The following ROR1 variants were observed in gnomAD, a reference collection of about 807,000 sequenced individuals.
ROR1 encodes inactive tyrosine-protein kinase transmembrane receptor ROR1.
A neutral mutation model predicts 78.8 loss-of-function variants in ROR1; 19 were observed. That is an observed-to-expected ratio of 0.24 (90% CI 0.17 to 0.35). The LOEUF is 0.35. Among genes scored for constraint, ROR1 ranks in the 10% least tolerant of loss-of-function variants. The pLI is 1.00. For synonymous variants in ROR1, 386 were observed against 433.6 expected (o/e 0.89, Z 1.36); for missense variants, 917 against 1,177.8 (o/e 0.78, Z 3.24).
chr1:64,015,037 A>G (rs1445864014), intron 2 of ROR1, among the ~76,000 whole-genome samples: 1 of 151,878 alleles, frequency 6.6e-6, no homozygotes, highest in Non-Finnish European at 1.5e-5. Context: ...AGGAGGCCTC[A>G]CAATCATAGG....
intron 1 of ROR1, among the ~76,000 whole-genome samples, chr1:63,969,712 C>G (rs907623423): frequency 3.9e-5 from 6 of 152,110 alleles, no homozygotes; most frequent in Non-Finnish European, 7.4e-5. Flanking sequence ...TGGATTCCCC[C>G]TCCCGTGTTG....
intron 1 of ROR1, among the ~76,000 whole-genome samples, chr1:63,945,071 G>A (rs1645873402): frequency 6.6e-6 from 1 of 152,088 alleles, no homozygotes; most frequent in Non-Finnish European, 1.5e-5. Context: ...AAGAAGGGTT[G>A]AAAATCATCG....
At chr1:63,864,480 A>C (rs529387832) in intron 1 of ROR1, among the ~76,000 whole-genome samples, 29 of 152,230 alleles carry the variant, frequency 1.9e-4, no homozygotes, top group Admixed American at 1.3e-3. Context: ...TTGTGTGCCA[A>C]ATGCATTTAT....
rs376511940 is a variant in ROR1, at chr1:63,951,562, C to T, written c.92-57743C>T. Among the ~76,000 whole-genome samples, 953 of 152,298 alleles carry T rather than the reference C, an allele frequency of 6.3e-3. 10 individuals are homozygous for T. Among genetic ancestry groups the T allele is most frequent in the African/African-American group, 0.021 (865 of 41,572 alleles). On this transcript the variant is annotated intron_variant, in intron 1 of 8. Coordinates refer to ENST00000371079, the MANE Select transcript of ROR1 (RefSeq NM_005012.4). ...GGAGACCTGAGAGAGAATGATCTCT[C>T]ACACAGAGGCAAAGGGAATAGGAAT...
At chr1:64,129,812 G>C (rs1389636045) in intron 4 of ROR1, among the ~76,000 whole-genome samples, 1 of 152,094 alleles carries the variant, frequency 6.6e-6, no homozygotes, top group Non-Finnish European at 1.5e-5. Flanking sequence ...CTCAAATTAC[G>C]TTTGTGAGAT....
At chr1:63,797,268 G>C (rs546330147) in intron 1 of ROR1, among the ~76,000 whole-genome samples, 71 of 152,338 alleles carry the variant, frequency 4.7e-4, no homozygotes, top group African/African-American at 1.4e-3. Flanking sequence ...GAGTGGTGAA[G>C]TGACTTGCTC....
chr1:64,009,545 A>T (rs1646459191), intron 2 of ROR1, among the ~76,000 whole-genome samples, 169 bp downstream of exon 2: 1 of 151,954 alleles, frequency 6.6e-6, no homozygotes, highest in Admixed American at 6.5e-5. Flanking sequence ...ATTACTTGGG[A>T]TTCTATTATT....
chr1:64,111,337 A>G (rs1035674832), intron 4 of ROR1: 2 of 152,208 alleles, frequency 1.3e-5, no homozygotes, highest in Non-Finnish European at 2.9e-5. Flanking sequence ...TCTGTGTCTC[A>G]GCCCCCTGCT....
chr1:63,903,608 C>T (rs1645503153), intron 1 of ROR1, among the ~76,000 whole-genome samples: 1 of 152,148 alleles, frequency 6.6e-6, no homozygotes, highest in East Asian at 1.9e-4. Flanking sequence ...CATTCCTGCT[C>T]ACCCCATGTC....
chr1:64,036,487 C>A (rs1646703534), intron 2 of ROR1, among the ~76,000 whole-genome samples: 1 of 152,208 alleles, frequency 6.6e-6, no homozygotes, highest in Non-Finnish European at 1.5e-5. Flanking sequence ...ATACTCCCAT[C>A]ATGTATTCTC....
Position 63,789,118 on chromosome 1 carries a change from A to G in ROR1, c.91+14610A>G. The G allele has an allele frequency of 6.5e-6, 4 of 611,706 alleles. 1 individual carries two copies. The highest frequency in any genetic ancestry group is 5.7e-5 in the South Asian group (4 of 69,626). 37.9% of individuals were successfully genotyped at this position (611,706 alleles called of 1,614,324 possible). On this transcript the variant is annotated intron_variant, in intron 1 of 8. Coordinates refer to ENST00000371079, the MANE Select transcript of ROR1 (RefSeq NM_005012.4). ...CGGTAGGCCAAGGTGTTTTCCTGGC[A>G]TCGAGCCTGGGAATGGACAGTCATT...
chr1:63,782,938 T>C (rs1241509800), intron 1 of ROR1, among the ~76,000 whole-genome samples: 1 of 152,028 alleles, frequency 6.6e-6, no homozygotes, highest in Non-Finnish European at 1.5e-5. Flanking sequence ...AAGTGTGATA[T>C]GATGTGAGCC....
At chr1:63,964,756 C>T (rs1319865182) in intron 1 of ROR1, among the ~76,000 whole-genome samples, 1 of 152,288 alleles carries the variant, frequency 6.6e-6, no homozygotes, top group East Asian at 1.9e-4. Flanking sequence ...GATATTAACA[C>T]GTGGTGGTCT....
At chr1:64,167,724 C>T (rs942429277) in intron 8 of ROR1, among the ~76,000 whole-genome samples, 2 of 152,192 alleles carry the variant, frequency 1.3e-5, no homozygotes, top group Non-Finnish European at 2.9e-5. Flanking sequence ...ATATACTCTC[C>T]AGGGCTCTCA....
At chr1:63,952,762 A>G (rs1321377009) in intron 1 of ROR1, among the ~76,000 whole-genome samples, 5 of 152,128 alleles carry the variant, frequency 3.3e-5, no homozygotes, top group Non-Finnish European at 5.9e-5. Flanking sequence ...TCTAGGAGCA[A>G]TTTAAGGATA....
intron 1 of ROR1, among the ~76,000 whole-genome samples, chr1:63,982,934 G>A (rs1344750120): frequency 3.3e-5 from 5 of 151,992 alleles, no homozygotes; most frequent in African/African-American, 1.2e-4. Flanking sequence ...TAATAGCACC[G>A]ACCTTGTAAA....
At chr1:64,098,950 G>A (rs765450422) in intron 4 of ROR1, among the ~76,000 whole-genome samples, 1 of 152,044 alleles carries the variant, frequency 6.6e-6, no homozygotes, top group African/African-American at 2.4e-5. Context: ...ATGGAATTTT[G>A]CCCTGTTTTA....
intron 1 of ROR1, among the ~76,000 whole-genome samples, chr1:63,840,670 G>A (rs547434153): frequency 1.3e-5 from 2 of 152,254 alleles, no homozygotes; most frequent in South Asian, 4.1e-4. Flanking sequence ...GTTTCAAAGA[G>A]TTCAGTTCTT....
chr1:63,903,727 A>C (rs1240864174), intron 1 of ROR1, among the ~76,000 whole-genome samples: 1 of 151,832 alleles, frequency 6.6e-6, no homozygotes, highest in African/African-American at 2.4e-5. Context: ...TATAAACATA[A>C]CTATATATAT....
Sources: allele counts gnomAD v4.1 joint callset (sites outside exome capture counted in the v4.1 genomes callset), GRCh38; gene constraint gnomAD v4.1.1; transcripts MANE v1.5; gene names NCBI Gene and HGNC (gene_info 2026-07-23, HGNC 2026-07-21).